KIF19: variants seen among roughly 807,000 people sequenced by gnomAD.
KIF19 encodes the protein kinesin family member 19.
Under a neutral mutation model 106.6 loss-of-function variants are expected in KIF19, and 98 were observed. The observed-to-expected ratio is 0.92, with a 90% confidence interval of 0.78 to 1.09. KIF19 has a LOEUF of 1.09. Among genes scored for constraint, KIF19 ranks in the 50% least tolerant of loss-of-function variants. The pLI, the probability that KIF19 is intolerant of heterozygous loss-of-function variation, is 0.00. For missense variants in KIF19, 1,373 were observed against 1,414.3 expected, an observed-to-expected ratio of 0.97 and a Z score of 0.47; for synonymous variants, 516 against 584.2, an observed-to-expected ratio of 0.88 and a Z score of 1.68.
Position 74,350,914 on chromosome 17 carries a change from G to A in KIF19, c.1587+9G>A. 6.2e-7 allele frequency: 1 copy of A among 1,613,168 alleles called. No individual in the cohort carries two copies. On this transcript the variant is annotated intron_variant, in intron 12 of 19. Coordinates refer to ENST00000389916, the MANE Select transcript of KIF19 (RefSeq NM_153209.4). ...AACTGCGCAAGCAGAAGGTGTCCAGGGTTTGGGGGGACAAGGAGAGTGGGT... is the reference window on the plus strand; with the variant it reads ...AACTGCGCAAGCAGAAGGTGTCCAGAGTTTGGGGGGACAAGGAGAGTGGGT...
At chr17:74,348,038 C>T (rs1161864295) in intron 9 of KIF19, 139 bp downstream of exon 9, 16 of 1,076,662 alleles carry the variant, frequency 1.5e-5, no homozygotes, top group Non-Finnish European at 2.0e-5. Flanking sequence ...TGATCGTCAC[C>T]TGTACACTTT....
chr17:74,350,791 G>A lies in KIF19; in HGVS notation c.1473G>A (p.Lys491=), dbSNP rs965054597. ...GCTACGCTAAGGACGACAGCGAGAA[G>A]GACTCAGACACAGGTGATGACCAAC... is the stretch of plus-strand genomic sequence containing the variant. ...KECYAKDDSE[K]DSDTGDDQPD... Residue 491 remains lysine (K), a synonymous_variant, in exon 12 of 20, where the codon AAG becomes AAA. Coordinates refer to ENST00000389916, the MANE Select transcript of KIF19 (RefSeq NM_153209.4). 4.3e-6 allele frequency: 7 copies of A among 1,613,952 alleles called. No individual in the cohort carries two copies. The African/African-American group carries it at 9.3e-5, about 22-fold the overall frequency.
Position 74,350,924 on chromosome 17 carries a change from G to A in KIF19, c.1587+19G>A. ...GCAGAAGGTGTCCAGGGTTTGGGGG[G>A]ACAAGGAGAGTGGGTTTAGGGGACA... On this transcript the variant is annotated intron_variant, in intron 12 of 19. Transcript: ENST00000389916. The A allele has an allele frequency of 6.2e-7, 1 of 1,612,432 alleles. No individual in the cohort carries two copies. Among genetic ancestry groups the A allele is most frequent in the East Asian group, 2.2e-5 (1 of 44,870 alleles).
At chr17:74,328,357 T>C in intron 1 of KIF19, 68 bp from the exon 2 acceptor site, 1 of 1,443,134 alleles carries the variant, frequency 6.9e-7, no homozygotes, top group East Asian at 2.4e-5. Flanking sequence ...AGGGGCTTGC[T>C]TGAGGTCTCT....
chr17:74,353,685 A>C, intron 17 of KIF19, 104 bp downstream of exon 17: 2 of 898,818 alleles, frequency 2.2e-6, no homozygotes, highest in Non-Finnish European at 3.6e-6. Flanking sequence ...GCCAAGTGCA[A>C]CCAAGCATTG....
chr17:74,353,419 C>A, intron 16 of KIF19, 75 bp from the exon 17 acceptor site: 4 of 1,485,568 alleles, frequency 2.7e-6, no homozygotes, highest in Non-Finnish European at 3.7e-6. Flanking sequence ...TGAGGCCCCG[C>A]TGTCTCTGCT....
At chr17:74,344,503 C>T (rs1042276808) in intron 6 of KIF19, among the ~76,000 whole-genome samples, 155 bp downstream of exon 6, 4 of 152,222 alleles carry the variant, frequency 2.6e-5, no homozygotes, top group African/African-American at 7.2e-5. Flanking sequence ...GGGACTCACA[C>T]CTGCCCCAAT....
chr17:74,349,380 C>G (rs751124127), intron 10 of KIF19, 31 bp downstream of exon 10: 1 of 1,551,932 alleles, frequency 6.4e-7, no homozygotes, highest in Middle Eastern at 1.7e-4. Context: ...GAGTGGCAGC[C>G]CCCTCCGGCC....
rs771712454 is a variant in KIF19, at chr17:74,344,306, G to C, written c.540G>C (p.Gln180His). 1.9e-6 allele frequency: 3 copies of C among 1,612,876 alleles called. No individual in the cohort carries two copies. Among genetic ancestry groups the C allele is most frequent in the Non-Finnish European group, 2.5e-6 (3 of 1,179,796 alleles). Residue 180 changes from glutamine to histidine, a missense_variant, in exon 6 of 20, where the codon CAG becomes CAC. Transcript: ENST00000389916. ...GGGAGGACTCTAAGGGGGTGATCCA[G>C]GTGGCCGGCATCACCGAAGTCTCCA... is the stretch of plus-strand genomic sequence containing the variant. ...ELREDSKGVI[Q>H]VAGITEVSTI...
rs751516664 is a variant in KIF19 at position 74,328,473 on chromosome 17, G to A, written c.88G>A (p.Ala30Thr). ...PISVAELEEGATLIAHKVDEQ... is the reference protein window; with the variant it reads ...PISVAELEEGTTLIAHKVDEQ... The stretch of plus-strand genomic sequence containing the variant: ...CAGCGTGGCAGAGCTGGAGGAAGGA[G>A]CTACCCTCATCGCCCATAAAGTGGA... Residue 30 changes from alanine (A) to threonine (T), a missense_variant, in exon 2 of 20, where the codon GCT becomes ACT. Transcript: ENST00000389916. The A allele has an allele frequency of 2.5e-6, 4 of 1,610,848 alleles. No homozygotes were observed. The highest frequency in any genetic ancestry group is 3.4e-6 in the Non-Finnish European group (4 of 1,178,912).
intron 2 of KIF19, among the ~76,000 whole-genome samples, chr17:74,330,951 G>A (rs534834459): frequency 2.5e-4 from 38 of 152,316 alleles, no homozygotes; most frequent in South Asian, 8.3e-4. Flanking sequence ...CTTGCACCAG[G>A]GATCCAGCCC....
Position 74,350,515 on chromosome 17 carries a change from TG to T in KIF19, c.1330del (p.Glu444ArgfsTer231). On this transcript the variant is annotated frameshift_variant, in exon 11 of 20. Coordinates refer to ENST00000389916, the MANE Select transcript of KIF19 (RefSeq NM_153209.4). LOFTEE classifies it high-confidence loss of function. ...GATGTGCGGAGGCGCCTGCTGGAGC[TG>T]GAGAACCGCGCCATGGAGGTCCAGA... ...QMDVRRRLLELENRAMEVQID... is the reference protein window; with the variant it reads ...QMDVRRRLLEXENRAMEVQID... 1 of 1,612,806 alleles carries T rather than the reference TG, an allele frequency of 6.2e-7. No individual in the cohort carries two copies. Among genetic ancestry groups the T allele is most frequent in the Non-Finnish European group, 8.5e-7 (1 of 1,179,812 alleles).
chr17:74,354,212 C>G lies in KIF19; in HGVS notation c.2359C>G (p.Arg787Gly). 1.9e-6 allele frequency: 3 copies of G among 1,609,308 alleles called. No individual in the cohort carries two copies. Among genetic ancestry groups the G allele is most frequent in the Non-Finnish European group, 2.5e-6 (3 of 1,179,418 alleles). ...CAAGTGCATCTGGGTGAAGGCCGCC[C>G]GGCGGCGCTCGCGGGCCCTGGGAAC... ...GTKCIWVKAARRRSRALGTEG... is the reference protein window; with the variant it reads ...GTKCIWVKAAGRRSRALGTEG... Residue 787 changes from arginine (R) to glycine (G), a missense_variant, in exon 18 of 20, where the codon CGG becomes GGG. Physicochemically the swap from Arg to Gly is moderately radical, Grantham distance 125. This residue lies in a region of KIF19 where 1,020 missense variants were observed against 1,008.2 expected (regional missense o/e 1.01). Coordinates refer to ENST00000389916, the MANE Select transcript of KIF19 (RefSeq NM_153209.4).
At chr17:74,351,096 G>A in intron 12 of KIF19, 191 bp downstream of exon 12, 1 of 630,690 alleles carries the variant, frequency 1.6e-6, no homozygotes. Context: ...AATGGGAGCA[G>A]TCCATGGTGC....
At chr17:74,332,226 G>T (rs1051189367) in intron 2 of KIF19, among the ~76,000 whole-genome samples, 9 of 131,068 alleles carry the variant, frequency 6.9e-5, no homozygotes, top group Middle Eastern at 4.1e-3. Flanking sequence ...GTGTGTGTGT[G>T]TGTGTGTGTG....
intron 6 of KIF19, 88 bp downstream of exon 6, chr17:74,344,436 G>A (rs1483538644): frequency 1.3e-6 from 2 of 1,533,608 alleles, no homozygotes; most frequent in African/African-American, 1.4e-5. Flanking sequence ...CCAGGGAGCT[G>A]CTCCCCACTC....
At chr17:74,340,840 G>A (rs951160439) in intron 2 of KIF19, among the ~76,000 whole-genome samples, 1 of 152,244 alleles carries the variant, frequency 6.6e-6, no homozygotes, top group African/African-American at 2.4e-5. Flanking sequence ...TGCCCTGGAG[G>A]GGTGAGGCGG....
intron 2 of KIF19, among the ~76,000 whole-genome samples, chr17:74,341,567 G>T (rs943502691): frequency 2.0e-5 from 3 of 152,174 alleles, no homozygotes; most frequent in African/African-American, 7.2e-5. Flanking sequence ...TGTCAGGAAG[G>T]TGTCCCCTTT....
chr17:74,336,407 C>T (rs1226433979), intron 2 of KIF19, among the ~76,000 whole-genome samples: 3 of 152,162 alleles, frequency 2.0e-5, no homozygotes, highest in Non-Finnish European at 4.4e-5. Flanking sequence ...TTCCTAGCAG[C>T]TTCCCTCTAT....
Sources: gnomAD v4.1 joint callset for allele counts (sites outside exome capture counted in the v4.1 genomes callset) on GRCh38, gnomAD v4.1.1 for gene constraint, gnomAD v4.1.1 regional missense constraint, MANE v1.5 for transcripts, NCBI Gene and HGNC (gene_info 2026-07-23, HGNC 2026-07-21) for gene names.